The following CCDC102B variants were observed in gnomAD, a reference collection of about 807,000 sequenced individuals.
CCDC102B encodes the protein coiled-coil domain-containing protein 102B.
In CCDC102B, 75 loss-of-function variants were observed where a neutral mutation model predicts 57.4. That is an observed-to-expected ratio of 1.31 (90% CI 1.08 to 1.58). The LOEUF is 1.58. CCDC102B is among the 40% of genes most tolerant of loss of function. The pLI is 0.00. For missense variants in CCDC102B, 636 were observed against 582.6 expected (o/e 1.09, Z -0.94); for synonymous variants, 206 against 201.9 (o/e 1.02, Z -0.17).
rs138873663 is a variant in CCDC102B at position 68,953,655 on chromosome 18, G to A, written c.1263+56227G>A. The stretch of plus-strand genomic sequence containing the variant: ...CAAGATAAATAATTTCTAGATATAT[G>A]CTTTAACACTGGAAAATTTGAGAGA... On this transcript the variant is annotated intron_variant, in intron 6 of 7. Transcript: ENST00000360242. Among the ~76,000 whole-genome samples, 242 of 151,676 alleles carry A rather than the reference G, an allele frequency of 1.6e-3. 3 individuals carry two copies. The East Asian group carries it at 0.022, about 14-fold the overall frequency.
In CCDC102B at chr18:68,874,204, GTGTGTGTGTA is replaced by G. The variant is rs1444085592; in HGVS notation, c.937-463_937-454del. The stretch of plus-strand genomic sequence containing the variant: ...TGTGTGTGTGTGTGTGTGTGTGTGT[GTGTGTGTGTA>G]TATATATATACTTTATTTCCATTGC... On this transcript the variant is annotated intron_variant, in intron 4 of 7. Coordinates refer to ENST00000360242, the MANE Select transcript of CCDC102B (RefSeq NM_024781.3). Among the ~76,000 whole-genome samples the G allele has an allele frequency of 4.0e-3, 378 of 93,380 alleles. 1 individual carries two copies. Among genetic ancestry groups the G allele is most frequent in the African/African-American group, 0.011 (249 of 23,644 alleles). 61.3% of individuals were successfully genotyped at this position (93,380 alleles called of 152,430 possible). A position where few individuals can be genotyped will look rare whatever the true frequency, so the allele number is the denominator to read the frequency against.
chr18:68,910,894 C>A lies in CCDC102B; in HGVS notation c.1263+13466C>A, dbSNP rs185012289. On this transcript the variant is annotated intron_variant, in intron 6 of 7. Coordinates refer to ENST00000360242, the MANE Select transcript of CCDC102B (RefSeq NM_024781.3). ...TTGAAGATGAAAAATGAAAAATTAG[C>A]CCTGGGAATGGCTGTTACTAAAAAG... Among the ~76,000 whole-genome samples, 91 of 143,900 alleles carry A rather than the reference C, an allele frequency of 6.3e-4. 1 individual carries two copies. The South Asian group carries it at 0.012, about 19-fold the overall frequency. 94.4% of individuals were successfully genotyped at this position (143,900 alleles called of 152,430 possible). A position where few individuals can be genotyped will look rare whatever the true frequency, so the allele number is the denominator to read the frequency against.
chr18:68,909,456 C>A (rs2040761653), intron 6 of CCDC102B, among the ~76,000 whole-genome samples: 1 of 152,154 alleles, frequency 6.6e-6, no homozygotes, highest in Non-Finnish European at 1.5e-5. Context: ...GTTATAAAAT[C>A]AGATTCTACC....
intron 5 of CCDC102B, 97 bp from the exon 6 acceptor site, chr18:68,897,122 C>A: frequency 2.4e-6 from 2 of 843,648 alleles, no homozygotes; most frequent in Admixed American, 2.3e-5. Context: ...GTGGACATAT[C>A]CATGAACTTT....
At chr18:69,031,738 A>G (rs1218914428) in intron 7 of CCDC102B, among the ~76,000 whole-genome samples, 1 of 152,052 alleles carries the variant, frequency 6.6e-6, no homozygotes, top group African/African-American at 2.4e-5. Context: ...TCTCTAGCTC[A>G]CTAGTAGATT....
chr18:68,878,445 T>C (rs1036891743), intron 5 of CCDC102B, among the ~76,000 whole-genome samples: 1 of 152,186 alleles, frequency 6.6e-6, no homozygotes, highest in Non-Finnish European at 1.5e-5. Flanking sequence ...GTCACTAGTA[T>C]GGTCTGAATG....
intron 2 of CCDC102B, among the ~76,000 whole-genome samples, chr18:68,736,792 G>C (rs746709382): frequency 6.6e-6 from 1 of 152,000 alleles, no homozygotes; most frequent in South Asian, 2.1e-4. Context: ...CTCCCCATGG[G>C]TCCCTCCCAC....
At chr18:68,797,223 G>A (rs916484896), upstream of CCDC102B, among the ~76,000 whole-genome samples, 10 of 152,018 alleles carry the variant, frequency 6.6e-5, no homozygotes, top group East Asian at 1.9e-4. Context: ...TGATAACACC[G>A]TAATAAGCCT....
chr18:68,749,506 G>A (rs2033760675), intron 2 of CCDC102B, among the ~76,000 whole-genome samples: 1 of 152,072 alleles, frequency 6.6e-6, no homozygotes, highest in South Asian at 2.1e-4. Flanking sequence ...CTTGTAAGTT[G>A]GATTCTTAGG....
At chr18:68,956,560 ATATTATATAT>A (rs2049898138) in intron 6 of CCDC102B, among the ~76,000 whole-genome samples, 2 of 5,318 alleles carry the variant, frequency 3.8e-4, no homozygotes, top group South Asian at 0.011. Context: ...AATATTATAT[ATATTATATAT>A]TTTATATATA....
intron 4 of CCDC102B, among the ~76,000 whole-genome samples, chr18:68,861,334 A>G (rs2038746214): frequency 6.6e-6 from 1 of 150,528 alleles, no homozygotes; most frequent in Non-Finnish European, 1.5e-5. Flanking sequence ...ATATTTTTCT[A>G]TTAATTTGCA....
At chr18:68,826,843 A>G (rs1003625464) in intron 1 of CCDC102B, among the ~76,000 whole-genome samples, 5 of 152,202 alleles carry the variant, frequency 3.3e-5, no homozygotes, top group Non-Finnish European at 7.4e-5. Context: ...TCATTGTTAC[A>G]TAGCTATAAT....
chr18:69,002,097 AT>A (rs1003670910), intron 6 of CCDC102B, among the ~76,000 whole-genome samples: 2 of 152,080 alleles, frequency 1.3e-5, no homozygotes, highest in South Asian at 2.1e-4. Context: ...GAACTAGTAA[AT>A]TTTTTTCACA....
intron 6 of CCDC102B, among the ~76,000 whole-genome samples, chr18:68,920,422 T>C (rs944801305): frequency 3.9e-5 from 6 of 152,048 alleles, no homozygotes; most frequent in African/African-American, 1.4e-4. Flanking sequence ...TTAAAAGACA[T>C]TAGGTCCACT....
chr18:68,946,623 T>C (rs2049547396), intron 6 of CCDC102B, among the ~76,000 whole-genome samples: 1 of 152,000 alleles, frequency 6.6e-6, no homozygotes, highest in Non-Finnish European at 1.5e-5. Context: ...TCATAAATAA[T>C]CAAAACCAGA....
intron 4 of CCDC102B, among the ~76,000 whole-genome samples, chr18:68,868,739 G>C (rs2144910111): frequency 6.6e-6 from 1 of 152,260 alleles, no homozygotes; most frequent in African/African-American, 2.4e-5. Flanking sequence ...TCAACATGAA[G>C]GCAATGGGGA....
chr18:68,803,080 CT>C (rs1309370197), intron 1 of CCDC102B, among the ~76,000 whole-genome samples: 1 of 152,182 alleles, frequency 6.6e-6, no homozygotes, highest in Non-Finnish European at 1.5e-5. Context: ...TCACTTAAAA[CT>C]GTTTCTTTAT....
intron 4 of CCDC102B, chr18:68,866,692 A>T (rs537979768): frequency 1.3e-4 from 59 of 471,870 alleles, no homozygotes; most frequent in South Asian, 1.1e-3. Context: ...AGCACTGTCT[A>T]CAGTTTGGCC....
chr18:68,731,804 A>G (rs2032878054), intron 2 of CCDC102B, among the ~76,000 whole-genome samples: 2 of 149,448 alleles, frequency 1.3e-5, no homozygotes, highest in South Asian at 4.3e-4. Flanking sequence ...CAGACAGACA[A>G]TAGTCTTGAG....
Sources: gnomAD v4.1 joint callset for allele counts (sites outside exome capture counted in the v4.1 genomes callset) on GRCh38, gnomAD v4.1.1 for gene constraint, MANE v1.5 for transcripts, NCBI Gene and HGNC (gene_info 2026-07-23, HGNC 2026-07-21) for gene names.